Variants in ARSG observed in about 807,000 individuals in gnomAD.
ARSG encodes the protein ASG.
In ARSG, 37 loss-of-function variants were observed where a neutral mutation model predicts 50.5. The ratio of observed to expected loss-of-function variants is 0.73; its 90% CI spans 0.56 to 0.96. The LOEUF (loss-of-function observed/expected upper bound fraction) is 0.96, where lower values mean the gene tolerates loss of function less well. Among genes scored for constraint, ARSG ranks in the 50% least tolerant of loss-of-function variants. ARSG has a pLI of 0.00. For missense variants in ARSG, 629 were observed against 675.3 expected, an observed-to-expected ratio of 0.93 and a Z score of 0.76; for synonymous variants, 225 against 254.6, an observed-to-expected ratio of 0.88 and a Z score of 1.11.
intron 1 of ARSG, among the ~76,000 whole-genome samples, chr17:68,275,379 T>C (rs919935197): frequency 9.2e-5 from 14 of 152,326 alleles, no homozygotes; most frequent in African/African-American, 3.4e-4. Flanking sequence ...ATGTATCTAC[T>C]ATGTTAACTA....
In ARSG at chr17:68,379,742, A is replaced by G. The variant is rs77813420; in HGVS notation, c.983-5322A>G. ...GTGTTAGGAATTCAATATGCTGGAGAGAGGACCCTGTCGAATGACATTCAG... is the reference window on the plus strand; with the variant it reads ...GTGTTAGGAATTCAATATGCTGGAGGGAGGACCCTGTCGAATGACATTCAG... On this transcript the variant is annotated intron_variant, in intron 8 of 11. Transcript: ENST00000621439. 134 of 815,224 alleles carry G rather than the reference A, an allele frequency of 1.6e-4. 2 individuals carry two copies. In the East Asian group the frequency reaches 0.012, roughly 70 times the overall value. 50.5% of individuals were successfully genotyped at this position (815,224 alleles called of 1,614,324 possible).
At chr17:68,276,095 CTCTTT>C (rs2075508994) in intron 1 of ARSG, among the ~76,000 whole-genome samples, 1 of 152,000 alleles carries the variant, frequency 6.6e-6, no homozygotes, top group Non-Finnish European at 1.5e-5. Context: ...TTCTCTCTCT[CTCTTT>C]TTTTATTTTT....
chr17:68,408,128 TTTA>T (rs779377565), intron 11 of ARSG, among the ~76,000 whole-genome samples: 2 of 152,052 alleles, frequency 1.3e-5, no homozygotes, highest in Admixed American at 6.6e-5. Flanking sequence ...TATTTCTTTT[TTTA>T]TTATTATTAT....
intron 10 of ARSG, among the ~76,000 whole-genome samples, chr17:68,396,263 C>G (rs768292081): frequency 6.6e-6 from 1 of 152,094 alleles, no homozygotes; most frequent in Non-Finnish European, 1.5e-5. Context: ...GTGATCAGCC[C>G]GCCTTGGTCT....
At position 68,278,054 on chromosome 17, in the gene ARSG, A is replaced by G. The variant is rs782036328; in HGVS notation, c.-552+18628A>G. On this transcript the variant is annotated intron_variant, in intron 1 of 11. Transcript: ENST00000448504. ...GGTAGCCAAATTAAAAGGGCCCTAT[A>G]CTTACGTCATGGTTAGGCCGAAAGA... 3 of 1,480,494 alleles carry G rather than the reference A, an allele frequency of 2.0e-6. No homozygotes were observed. In the Admixed American group the frequency reaches 5.1e-5, roughly 25 times the overall value. The allele number at this position is 1,480,494 out of a possible 1,614,324, so 91.7% of individuals were successfully genotyped here.
chr17:68,408,326 C>T lies in ARSG; in HGVS notation c.1303+6876C>T, dbSNP rs574920816. 1.1e-3 allele frequency among the ~76,000 whole-genome samples: 153 copies of T among 142,948 alleles called. 1 individual carries two copies. The highest frequency in any genetic ancestry group is 3.9e-3 in the African/African-American group (150 of 38,544). 93.8% of individuals were successfully genotyped at this position (142,948 alleles called of 152,430 possible). A position where few individuals can be genotyped will look rare whatever the true frequency, so the allele number is the denominator to read the frequency against. ...AGTGTGATGTTCCCCTTCCTGTGTC[C>T]ATGTGTTCTCATTGTTCAATTCCCA... On this transcript the variant is annotated intron_variant, in intron 11 of 11. Transcript: ENST00000621439.
chr17:68,320,801 A>G (rs2077253783), intron 2 of ARSG, among the ~76,000 whole-genome samples: 1 of 152,190 alleles, frequency 6.6e-6, no homozygotes, highest in African/African-American at 2.4e-5. Flanking sequence ...AGTGATCTCC[A>G]GGATGGCTTG....
At chr17:68,349,413 C>G (rs1435477292) in intron 4 of ARSG, among the ~76,000 whole-genome samples, 1 of 152,166 alleles carries the variant, frequency 6.6e-6, no homozygotes, top group African/African-American at 2.4e-5. Flanking sequence ...GATCATCTGA[C>G]CCACAAAACC....
chr17:68,274,165 T>A, intron 1 of ARSG: 1 of 1,339,310 alleles, frequency 7.5e-7, no homozygotes, highest in Non-Finnish European at 1.0e-6. Flanking sequence ...CATGGAGAGA[T>A]GATGTCGAAT....
the ARSG span, chr17:68,444,344 G>C: frequency 1.5e-6 from 1 of 687,050 alleles, no homozygotes; most frequent in Admixed American, 2.9e-5. Flanking sequence ...TGAATCTGCC[G>C]CCATTAAGAC....
intron 2 of ARSG, among the ~76,000 whole-genome samples, chr17:68,310,174 G>A (rs2145646056): frequency 6.6e-6 from 1 of 152,090 alleles, no homozygotes; most frequent in East Asian, 1.9e-4. Flanking sequence ...TGGTTAGTCT[G>A]GTCTCAAACT....
At chr17:68,386,930 C>T (rs1422359591) in intron 9 of ARSG, among the ~76,000 whole-genome samples, 1 of 151,864 alleles carries the variant, frequency 6.6e-6, no homozygotes, top group African/African-American at 2.4e-5. Context: ...GCCTGAGGGC[C>T]CCAGAATTGT....
chr17:68,350,549 G>T (rs188583105), intron 4 of ARSG, among the ~76,000 whole-genome samples: 47 of 152,208 alleles, frequency 3.1e-4, no homozygotes, highest in Non-Finnish European at 6.2e-4. Context: ...ACTTTGGGAG[G>T]CTGAGGTGGG....
chr17:68,377,125 G>A (rs1476546218), intron 8 of ARSG, among the ~76,000 whole-genome samples: 1 of 152,132 alleles, frequency 6.6e-6, no homozygotes, highest in East Asian at 1.9e-4. Context: ...GCCTCCCAAA[G>A]TGCTGGGATT....
chr17:68,398,028 A>G (rs762190345), intron 10 of ARSG, among the ~76,000 whole-genome samples: 123 of 152,192 alleles, frequency 8.1e-4, no homozygotes, highest in Non-Finnish European at 2.4e-4. Context: ...CGGTCTCCCA[A>G]AGTGCTGGGA....
At chr17:68,429,129 C>G in the ARSG span, among the ~76,000 whole-genome samples, 4 of 152,150 alleles carry the variant, frequency 2.6e-5, no homozygotes, top group Non-Finnish European at 4.4e-5. Flanking sequence ...AGGATTATTT[C>G]TTGTCTTTGA....
intron 1 of ARSG, chr17:68,266,878 T>C (rs2075176469): frequency 6.6e-6 from 1 of 152,126 alleles, no homozygotes; most frequent in South Asian, 2.1e-4. Context: ...AAACTTTATG[T>C]GTCTCTAGTA....
chr17:68,323,027 T>C (rs1184769255), intron 2 of ARSG, among the ~76,000 whole-genome samples: 1 of 150,086 alleles, frequency 6.7e-6, no homozygotes, highest in African/African-American at 2.5e-5. Flanking sequence ...AATAAATTAA[T>C]AAGAGAGGGC....
At position 68,271,480 on chromosome 17, in the gene ARSG, T is replaced by G; in HGVS notation, c.-552+12054T>G. ...TATTGAGGTTCGTGTTTTCTCATTTTCAAGCATATACTGCGCTTCTTTCCG... is the reference window on the plus strand; with the variant it reads ...TATTGAGGTTCGTGTTTTCTCATTTGCAAGCATATACTGCGCTTCTTTCCG... On this transcript the variant is annotated intron_variant, in intron 1 of 11. Transcript: ENST00000448504. The surrounding 1 kb of genome is among the most constrained non-coding windows in gnomAD (Gnocchi z 5.3). 1 of 1,614,204 alleles carries G rather than the reference T, an allele frequency of 6.2e-7. No homozygotes were observed. Among genetic ancestry groups the G allele is most frequent in the Non-Finnish European group, 8.5e-7 (1 of 1,180,046 alleles).
Sources: allele counts gnomAD v4.1 joint callset (sites outside exome capture counted in the v4.1 genomes callset), GRCh38; gene constraint gnomAD v4.1.1; non-coding constraint Gnocchi (gnomAD v3.1); transcripts MANE v1.5; gene names NCBI Gene and HGNC (gene_info 2026-07-23, HGNC 2026-07-21).